PRAMEF20: variants seen among roughly 807,000 people sequenced by gnomAD.
PRAMEF20 encodes the protein PRAME family member 20, also known as PRAME family member 20/21.
In PRAMEF20, 27 loss-of-function variants were observed where a neutral mutation model predicts 32.4. That is an observed-to-expected ratio of 0.83 (90% CI 0.61 to 1.15). The LOEUF (loss-of-function observed/expected upper bound fraction) is 1.15. Ranked by LOEUF, PRAMEF20 falls within the 50% of genes most tolerant of loss-of-function variation. The pLI, the probability that PRAMEF20 is intolerant of heterozygous loss-of-function variation, is 0.00. For missense variants in PRAMEF20, 604 were observed against 584.5 expected, an observed-to-expected ratio of 1.03 and a Z score of -0.34; for synonymous variants, 256 against 235.4, an observed-to-expected ratio of 1.09 and a Z score of -0.80.
At chr1:13,419,756 A>G (rs1641221950) in intron 2 of PRAMEF20, among the ~76,000 whole-genome samples, 1 of 152,120 alleles carries the variant, frequency 6.6e-6, no homozygotes, top group Non-Finnish European at 1.5e-5. Context: ...GATGATGGGA[A>G]GTAGGGAAGT....
upstream of PRAMEF20, among the ~76,000 whole-genome samples, chr1:13,415,823 G>A (rs1641163619): frequency 6.7e-6 from 1 of 150,290 alleles, no homozygotes; most frequent in Non-Finnish European, 1.5e-5. Context: ...GAGGGAGGGA[G>A]GGATGAGGGA....
At chr1:13,420,605 T>C (rs1450931868) in intron 2 of PRAMEF20, 92 bp from the exon 4 acceptor site, 28 of 1,568,856 alleles carry the variant, frequency 1.8e-5, no homozygotes, top group Non-Finnish European at 2.5e-5. Flanking sequence ...TTGGGCAAAA[T>C]GGTCTCCATC....
chr1:13,412,573 G>C (rs1037952078), upstream of PRAMEF20, among the ~76,000 whole-genome samples: 1 of 151,876 alleles, frequency 6.6e-6, no homozygotes, highest in South Asian at 2.1e-4. Context: ...TTCACATGTC[G>C]TGGTTTCTTC....
chr1:13,416,774 G>C lies in PRAMEF20; in HGVS notation c.287+133G>C, dbSNP rs574273893. On this transcript the variant is annotated intron_variant, in intron 1 of 2. Coordinates refer to ENST00000602960, the Ensembl canonical transcript of PRAMEF20. ...GGTTTTGGTGAGGAAGCTTAGAGAG[G>C]CCTTGGCCATTGCCCAGCTCCTCAG... is the stretch of plus-strand genomic sequence containing the variant. 4.0e-4 allele frequency: 621 copies of C among 1,554,466 alleles called. 2 individuals are homozygous for C. Among genetic ancestry groups the C allele is most frequent in the African/African-American group, 2.8e-3 (206 of 72,930 alleles).
upstream of PRAMEF20, among the ~76,000 whole-genome samples, chr1:13,414,619 C>G (rs947228348): frequency 1.3e-5 from 2 of 151,922 alleles, no homozygotes; most frequent in Non-Finnish European, 2.9e-5. Flanking sequence ...CCACCACGCC[C>G]AGCTAATTTT....
chr1:13,412,797 G>T (rs1641126339), upstream of PRAMEF20, among the ~76,000 whole-genome samples: 2 of 152,114 alleles, frequency 1.3e-5, no homozygotes, highest in Non-Finnish European at 1.5e-5. Flanking sequence ...GGGGGTGCAT[G>T]CCTGTAATCC....
chr1:13,420,220 C>G (rs944063723), intron 2 of PRAMEF20, among the ~76,000 whole-genome samples: 6 of 151,720 alleles, frequency 4.0e-5, no homozygotes, highest in Non-Finnish European at 7.4e-5. Context: ...TTTTATTTCT[C>G]TTTCTTTTGA....
chr1:13,412,582 T>C (rs1262010922), upstream of PRAMEF20, among the ~76,000 whole-genome samples: 1 of 152,110 alleles, frequency 6.6e-6, no homozygotes, highest in East Asian at 1.9e-4. Flanking sequence ...CGTGGTTTCT[T>C]CCCCAAATTT....
At position 13,416,423 on chromosome 1, in the gene PRAMEF20, G is replaced by A. The variant is rs778992272; in HGVS notation, c.69G>A (p.Leu23=). Reference sequence around the variant, plus strand: ...GGAGCCTGCTGAGGGACGAGGCCTTGGCCATCTCCACCCTGGAGGAGCTGC... The same window carrying A: ...GGAGCCTGCTGAGGGACGAGGCCTTAGCCATCTCCACCCTGGAGGAGCTGC... Residue 23 remains leucine (L), a synonymous_variant, in exon 1 of 3, where the codon TTG becomes TTA. Transcript: ENST00000602960. 3.1e-6 allele frequency: 5 copies of A among 1,613,836 alleles called. No homozygotes were observed. In the South Asian group the frequency reaches 4.4e-5, roughly 14 times the overall value.
upstream of PRAMEF20, among the ~76,000 whole-genome samples, chr1:13,415,436 T>A (rs1641158909): frequency 6.6e-6 from 1 of 152,136 alleles, no homozygotes; most frequent in Admixed American, 6.6e-5. Context: ...ATCTCTGTCT[T>A]GCGAATGATC....
exon 2 of PRAMEF20, chr1:13,418,209 A>T: frequency 6.2e-7 from 1 of 1,611,794 alleles, no homozygotes; most frequent in South Asian, 1.1e-5. Context: ...GTAGGTGCTT[A>T]CCAAATGCCA....
intron 1 of PRAMEF20, among the ~76,000 whole-genome samples, chr1:13,416,921 C>CA (rs1641182013): frequency 6.6e-6 from 1 of 152,070 alleles, no homozygotes; most frequent in Non-Finnish European, 1.5e-5. Flanking sequence ...CCTGTAATCC[C>CA]AGCATTTTGG....
intron 2 of PRAMEF20, among the ~76,000 whole-genome samples, chr1:13,419,894 G>C (rs951699065): frequency 6.6e-6 from 1 of 152,144 alleles, no homozygotes; most frequent in Non-Finnish European, 1.5e-5. Context: ...GTTGTTTTGA[G>C]CTCCAGGTAA....
chr1:13,418,813 A>G lies in PRAMEF20; in HGVS notation c.866+113A>G, dbSNP rs991440307. 4.2e-3 allele frequency: 6,583 copies of G among 1,558,484 alleles called. 79 individuals are homozygous for G. Among genetic ancestry groups the G allele is most frequent in the African/African-American group, 0.032 (2,329 of 73,598 alleles). ...ATGTAACAGTAAAGGGGACACTAGAATGTCAGTGCATTTTCCTGTTGGAAG... is the reference window on the plus strand; with the variant it reads ...ATGTAACAGTAAAGGGGACACTAGAGTGTCAGTGCATTTTCCTGTTGGAAG... On this transcript the variant is annotated intron_variant, in intron 2 of 2. Coordinates refer to ENST00000602960, the Ensembl canonical transcript of PRAMEF20.
At chr1:13,417,352 T>C (rs1029399277) in intron 1 of PRAMEF20, among the ~76,000 whole-genome samples, 9 of 152,090 alleles carry the variant, frequency 5.9e-5, no homozygotes, top group Non-Finnish European at 1.3e-4. Flanking sequence ...ACAATCCTCA[T>C]GTAAGACAGG....
intron 2 of PRAMEF20, among the ~76,000 whole-genome samples, chr1:13,418,998 G>A (rs1490091181): frequency 1.3e-5 from 2 of 152,158 alleles, no homozygotes; most frequent in Non-Finnish European, 1.5e-5. Flanking sequence ...TTAAGATGAT[G>A]AGAAATAGGC....
chr1:13,416,375 C>T (rs1641170109), exon 1 of PRAMEF20: 1 of 1,613,020 alleles, frequency 6.2e-7, no homozygotes, highest in Non-Finnish European at 8.5e-7. Context: ...GGACTCCACC[C>T]AGACTCCTGG....
chr1:13,419,774 G>T lies in PRAMEF20; in HGVS notation c.867-923G>T, dbSNP rs1293787457. Among the ~76,000 whole-genome samples the T allele has an allele frequency of 7.9e-5, 12 of 152,220 alleles. No homozygotes were observed. The East Asian group carries it at 1.9e-3, about 25-fold the overall frequency. ...GATGGGAAGTAGGGAAGTGAAGTGG[G>T]CACTGAAGAGGGGAATGCTCAGCAA... is the stretch of plus-strand genomic sequence containing the variant. On this transcript the variant is annotated intron_variant, in intron 2 of 2. Transcript: ENST00000602960.
rs1390679338 is a variant in PRAMEF20 at position 13,421,184 on chromosome 1, T to C, written c.1354T>C (p.Phe452Leu). ...CTTAAGGGAGCCCGAGAGGATCTTG[T>C]TCTGTACCGACTACTGCCCTCAGTG... The change falls in exon 3 of 3, where the codon TTC becomes CTC. Residue 452 changes from phenylalanine (F) to leucine (L), a missense_variant. Physicochemically the swap from Phe to Leu is conservative, Grantham distance 22 (BLOSUM62 0). Coordinates refer to ENST00000602960, the Ensembl canonical transcript of PRAMEF20. 36 of 1,613,898 alleles carry C rather than the reference T, an allele frequency of 2.2e-5. No individual in the cohort carries two copies. The East Asian group carries it at 8.0e-4, about 36-fold the overall frequency.
Sources: allele counts gnomAD v4.1 joint callset (sites outside exome capture counted in the v4.1 genomes callset), GRCh38; gene constraint gnomAD v4.1.1; transcripts MANE v1.5; gene names NCBI Gene and HGNC (gene_info 2026-07-23, HGNC 2026-07-21).